Variants in ZBTB20 observed in about 807,000 individuals in gnomAD.
ZBTB20 encodes the protein zinc finger and BTB domain-containing protein 20.
Under a neutral mutation model 56.9 loss-of-function variants are expected in ZBTB20, and 9 were observed. The observed-to-expected ratio is 0.16, with a 90% CI of 0.10 to 0.28. ZBTB20 has a LOEUF of 0.28. Among genes scored for constraint, ZBTB20 ranks in the 10% least tolerant of loss-of-function variants. ZBTB20 has a pLI of 1.00. For synonymous variants in ZBTB20, 417 were observed against 420.7 expected (o/e 0.99, Z 0.11); for missense variants, 655 against 1,003.0 (o/e 0.65, Z 4.69).
intron 6 of ZBTB20, among the ~76,000 whole-genome samples, chr3:114,615,697 G>C (rs2057886223): frequency 6.6e-6 from 1 of 152,174 alleles, no homozygotes; most frequent in Non-Finnish European, 1.5e-5. Flanking sequence ...ACAGATACCT[G>C]TCATATTTTA....
chr3:114,720,528 C>A (rs1325438269), intron 5 of ZBTB20, among the ~76,000 whole-genome samples: 1 of 151,972 alleles, frequency 6.6e-6, no homozygotes, highest in Non-Finnish European at 1.5e-5. Flanking sequence ...AGTAAGAAAG[C>A]AGCATGATGA....
At chr3:114,378,278 T>C (rs1460211987) in intron 10 of ZBTB20, among the ~76,000 whole-genome samples, 1 of 152,190 alleles carries the variant, frequency 6.6e-6, no homozygotes, top group Non-Finnish European at 1.5e-5. Context: ...AATCCAAATA[T>C]ATTTGGAGAA....
intron 6 of ZBTB20, among the ~76,000 whole-genome samples, chr3:114,569,994 A>AAAAGAATATGATAATAATTTGT: frequency 6.6e-6 from 1 of 151,810 alleles, no homozygotes; most frequent in Middle Eastern, 3.4e-3. Flanking sequence ...TATTTTAAAC[A>AAAAGAATATGATAATAATTTGT]AAAGAATATG....
At chr3:114,669,707 G>A (rs1450120630) in intron 6 of ZBTB20, among the ~76,000 whole-genome samples, 2 of 150,448 alleles carry the variant, frequency 1.3e-5, no homozygotes, top group Non-Finnish European at 2.9e-5. Context: ...CCTGTGCATA[G>A]TATTTTCCAT....
At chr3:114,675,852 A>C (rs1021880417) in intron 6 of ZBTB20, among the ~76,000 whole-genome samples, 6 of 31,362 alleles carry the variant, frequency 1.9e-4, no homozygotes, top group East Asian at 4.9e-3. Flanking sequence ...TCAGTCACCA[A>C]CAACAACAGC....
At chr3:115,060,099 C>A (rs2081962868) in intron 2 of ZBTB20, among the ~76,000 whole-genome samples, 1 of 152,080 alleles carries the variant, frequency 6.6e-6, no homozygotes, top group Non-Finnish European at 1.5e-5. Context: ...TATATTTTAG[C>A]CATGCTTAAC....
chr3:114,640,834 GACA>G (rs2059522898), intron 6 of ZBTB20, among the ~76,000 whole-genome samples: 1 of 151,932 alleles, frequency 6.6e-6, no homozygotes, highest in African/African-American at 2.4e-5. Flanking sequence ...ATTTTAAGAT[GACA>G]ACAAAATTTC....
intron 7 of ZBTB20, among the ~76,000 whole-genome samples, chr3:114,394,293 A>C (rs2086150435): frequency 6.6e-6 from 1 of 152,206 alleles, no homozygotes; most frequent in African/African-American, 2.4e-5. Flanking sequence ...CTGGATAGTG[A>C]GGCCAGAATC....
intron 11 of ZBTB20, among the ~76,000 whole-genome samples, chr3:114,340,636 G>A (rs2079688609): frequency 6.6e-6 from 1 of 152,236 alleles, no homozygotes; most frequent in South Asian, 2.1e-4. Context: ...TGTGCTGTTT[G>A]TTCTCAGCTC....
chr3:114,631,379 A>ATTATTTT (rs1479430066), intron 6 of ZBTB20, among the ~76,000 whole-genome samples: 1 of 22,382 alleles, frequency 4.5e-5, no homozygotes, highest in Non-Finnish European at 1.1e-4. Flanking sequence ...TAAATAGGTT[A>ATTATTTT]TTCTTTTTTT....
intron 4 of ZBTB20, among the ~76,000 whole-genome samples, chr3:114,845,597 G>T (rs890563670): frequency 4.0e-5 from 6 of 151,812 alleles, no homozygotes; most frequent in Non-Finnish European, 1.5e-5. Context: ...TGTGCCAATT[G>T]TAAATAAGCC....
chr3:114,521,028 T>C lies in ZBTB20; in HGVS notation c.-294-20637A>G, dbSNP rs144573146. Among the ~76,000 whole-genome samples, 129 of 152,278 alleles carry C rather than the reference T, an allele frequency of 8.5e-4. 1 individual carries two copies. Among genetic ancestry groups the C allele is most frequent in the African/African-American group, 2.8e-3 (115 of 41,576 alleles). On this transcript the variant is annotated intron_variant, in intron 6 of 11. Transcript: ENST00000675478. ...AATAGAAAGCAATATTTACAGTTAA[T>C]TGGGTTTTGAACTAATATTAATTTA...
At position 114,330,678 on chromosome 3, in the gene ZBTB20, A is replaced by T. The variant is rs2079218144; in HGVS notation, c.*8327T>A. On this transcript the variant is annotated 3_prime_UTR_variant, in exon 12 of 12. Transcript: ENST00000675478. ...GTTGCAACTGTAAGTAGCCTTACTT[A>T]ACAGGGGAAGGGGAAAAGTCACCAG... The T allele has an allele frequency of 6.6e-6, 1 of 152,242 alleles. No individual in the cohort carries two copies. The highest frequency in any genetic ancestry group is 2.4e-5 in the African/African-American group (1 of 41,468). 9.4% of individuals were successfully genotyped at this position (152,242 alleles called of 1,614,324 possible).
chr3:114,644,033 T>C (rs953781570), intron 6 of ZBTB20, among the ~76,000 whole-genome samples: 19 of 152,070 alleles, frequency 1.2e-4, no homozygotes, highest in African/African-American at 4.3e-4. Flanking sequence ...TATTATAAAA[T>C]GAACAATAAA....
intron 6 of ZBTB20, among the ~76,000 whole-genome samples, chr3:114,689,596 T>C (rs912424297): frequency 3.3e-5 from 5 of 152,118 alleles, no homozygotes; most frequent in Non-Finnish European, 7.3e-5. Context: ...GAGAAAAAGG[T>C]GTACGCGTAC....
chr3:114,333,661 A>G lies in ZBTB20; in HGVS notation c.*5344T>C, dbSNP rs1179592988. ...CACATGGTTCTGTCTTCAGTATCCTATTTTTCTTTTTTTTTAATTTCTTTT... is the reference window on the plus strand; with the variant it reads ...CACATGGTTCTGTCTTCAGTATCCTGTTTTTCTTTTTTTTTAATTTCTTTT... On this transcript the variant is annotated 3_prime_UTR_variant, in exon 12 of 12. Coordinates refer to ENST00000675478, the MANE Select transcript of ZBTB20 (RefSeq NM_001348800.3). The G allele has an allele frequency of 6.6e-6, 1 of 150,690 alleles. No homozygotes were observed. Among genetic ancestry groups the G allele is most frequent in the Non-Finnish European group, 1.5e-5 (1 of 67,608 alleles). The allele number at this position is 150,690 out of a possible 1,614,324, so 9.3% of individuals were successfully genotyped here.
At chr3:114,566,668 A>G (rs182329670) in intron 6 of ZBTB20, among the ~76,000 whole-genome samples, 1 of 152,196 alleles carries the variant, frequency 6.6e-6, no homozygotes, top group Non-Finnish European at 1.5e-5. Flanking sequence ...CGGGGTAAAA[A>G]GCACCTCCAG....
chr3:114,385,105 T>C (rs1286493831), intron 8 of ZBTB20, among the ~76,000 whole-genome samples: 1 of 152,184 alleles, frequency 6.6e-6, no homozygotes, highest in Non-Finnish European at 1.5e-5. Flanking sequence ...AGCTTGGTCT[T>C]TTCCTATCTG....
rs1428610218 is a variant in ZBTB20 at position 114,337,731 on chromosome 3, T to C, written c.*1274A>G. On this transcript the variant is annotated 3_prime_UTR_variant, in exon 12 of 12. Coordinates refer to ENST00000675478, the MANE Select transcript of ZBTB20 (RefSeq NM_001348800.3). ...ATGAAGAAAATATCCTTCCTCTCTTTCAAATATAACTTTAGTTGCCTTTTA... is the reference window on the plus strand; with the variant it reads ...ATGAAGAAAATATCCTTCCTCTCTTCCAAATATAACTTTAGTTGCCTTTTA... The C allele has an allele frequency of 1.3e-5, 2 of 152,154 alleles. No individual in the cohort carries two copies. Among genetic ancestry groups the C allele is most frequent in the Non-Finnish European group, 2.9e-5 (2 of 68,040 alleles). The allele number at this position is 152,154 out of a possible 1,614,324, so 9.4% of individuals were successfully genotyped here. A position where few individuals can be genotyped will look rare whatever the true frequency, so the allele number is the denominator to read the frequency against.
Sources: gnomAD v4.1 joint callset for allele counts (sites outside exome capture counted in the v4.1 genomes callset) on GRCh38, gnomAD v4.1.1 for gene constraint, MANE v1.5 for transcripts, NCBI Gene and HGNC (gene_info 2026-07-23, HGNC 2026-07-21) for gene names.